The following SGSM3 variants were observed in gnomAD, a reference collection of about 807,000 sequenced individuals.
The protein encoded by SGSM3 is small G protein signaling modulator 3, also known as RUN and SH3 containing 3.
SGSM3 carries 96 observed loss-of-function variants against 100.5 expected under a neutral mutation model. The observed-to-expected ratio is 0.96, with a 90% CI of 0.81 to 1.13. The LOEUF (loss-of-function observed/expected upper bound fraction) is 1.13, where lower values mean the gene tolerates loss of function less well. Ranked by LOEUF, SGSM3 falls within the 50% of genes most tolerant of loss-of-function variation. SGSM3 has a pLI of 0.00. For synonymous variants in SGSM3, 483 were observed against 422.8 expected, an observed-to-expected ratio of 1.14 and a Z score of -1.75; for missense variants, 1,001 against 1,015.8, an observed-to-expected ratio of 0.99 and a Z score of 0.20.
chr22:40,394,441 T>C (rs941797864), intron 1 of SGSM3, among the ~76,000 whole-genome samples: 5 of 151,692 alleles, frequency 3.3e-5, no homozygotes, highest in Admixed American at 2.0e-4. Flanking sequence ...AGGTCAGGAG[T>C]TCGAGACCAG....
intron 1 of SGSM3, among the ~76,000 whole-genome samples, chr22:40,375,904 G>A (rs777512935): frequency 6.6e-6 from 1 of 151,824 alleles, no homozygotes; most frequent in Non-Finnish European, 1.5e-5. Context: ...AACCAGATAT[G>A]GTGGCGTGTG....
chr22:40,407,494 C>T lies in SGSM3; in HGVS notation c.1450C>T (p.Arg484Ter), dbSNP rs765994345. ...GGCGTGCTCACGCAGCCACCGGCGC[C>T]GAGCCAAGGCCCTGCTGGACTTTGA... Reference protein sequence around the residue: ...YVACSRSHRRRAKALLDFERH... With the variant: ...YVACSRSHRR Residue 484 changes from arginine to a stop codon, truncating the protein, a stop_gained, in exon 13 of 22, where the codon CGA (arginine) becomes TGA (stop). Coordinates refer to ENST00000248929, the MANE Select transcript of SGSM3 (RefSeq NM_015705.6). LOFTEE classifies it high-confidence loss of function. This position sits in a 1 kb window ranked among gnomAD's most constrained non-coding sequence, Gnocchi z 4.7. 9 of 1,610,996 alleles carry T rather than the reference C, an allele frequency of 5.6e-6. No individual in the cohort carries two copies. Among genetic ancestry groups the T allele is most frequent in the East Asian group, 2.2e-5 (1 of 44,874 alleles).
At position 40,406,639 on chromosome 22, in the gene SGSM3, G is replaced by A. The variant is rs752442418; in HGVS notation, c.1162G>A (p.Gly388Ser). 3.6e-5 allele frequency: 58 copies of A among 1,606,782 alleles called. No individual in the cohort carries two copies. Among genetic ancestry groups the A allele is most frequent in the Admixed American group, 5.0e-5 (3 of 59,762 alleles). ...IADQGQLLGA[G>S]TLTNLSQVVR... ...AGACCAGGGCCAGCTCCTGGGGGCC[G>A]GCACCCTCACCAACCTCTCTCAGGT... Residue 388 changes from glycine to serine, a missense_variant, in exon 10 of 22, where the codon GGC becomes AGC. Physicochemically the swap from Gly to Ser is moderately conservative, Grantham distance 56. Coordinates refer to ENST00000248929, the MANE Select transcript of SGSM3 (RefSeq NM_015705.6).
chr22:40,404,894 G>A lies in SGSM3; in HGVS notation c.474+230G>A, dbSNP rs570010640. Reference sequence around the variant, plus strand: ...GCCCGGGTCCACTTCAGGAACAGATGGGGACTCTAAATATAGACTCCAGGC... The same window carrying A: ...GCCCGGGTCCACTTCAGGAACAGATAGGGACTCTAAATATAGACTCCAGGC... On this transcript the variant is annotated intron_variant, in intron 6 of 21. Transcript: ENST00000248929. 2.0e-5 allele frequency among the ~76,000 whole-genome samples: 3 copies of A among 152,328 alleles called. No individual in the cohort carries two copies. The East Asian group carries it at 5.8e-4, about 29-fold the overall frequency.
At position 40,405,823 on chromosome 22, in the gene SGSM3, C is replaced by A; in HGVS notation, c.793C>A (p.Leu265Met). Residue 265 changes from leucine to methionine, a missense_variant, in exon 8 of 22, where the codon CTG (leucine) becomes ATG (methionine). Leu to Met is a conservative substitution (Grantham distance 15, BLOSUM62 2). Coordinates refer to ENST00000248929, the MANE Select transcript of SGSM3 (RefSeq NM_015705.6). Reference protein sequence around the residue: ...IVQYLPRLDKLLQEHDIELSL... With the variant: ...IVQYLPRLDKMLQEHDIELSL... Reference sequence around the variant, plus strand: ...CCAGTACCTGCCTCGCCTGGACAAGCTGCTCCAGGAGCATGACATTGGTAA... The same window carrying A: ...CCAGTACCTGCCTCGCCTGGACAAGATGCTCCAGGAGCATGACATTGGTAA... 6.2e-7 allele frequency: 1 copy of A among 1,612,328 alleles called. No homozygotes were observed. Among genetic ancestry groups the A allele is most frequent in the South Asian group, 1.1e-5 (1 of 91,004 alleles).
Position 40,406,133 on chromosome 22 carries a change from C to T in SGSM3, c.870C>T (p.Asp290=). The T allele has an allele frequency of 6.2e-7, 1 of 1,614,146 alleles. No individual in the cohort carries two copies. Among genetic ancestry groups the T allele is most frequent in the Non-Finnish European group, 8.5e-7 (1 of 1,180,042 alleles). ...TCACGGCCTTCGCCAGCGTGGTGGACATCAAGCTGCTCCTGCGCATCTGGG... is the reference window on the plus strand; with the variant it reads ...TCACGGCCTTCGCCAGCGTGGTGGATATCAAGCTGCTCCTGCGCATCTGGG... ...WFLTAFASVV[D]IKLLLRIWDL... is the part of the protein sequence containing the mutation. The change falls in exon 9 of 22, where the codon GAC becomes GAT. Residue 290 remains aspartate, a synonymous_variant. Coordinates refer to ENST00000248929, the MANE Select transcript of SGSM3 (RefSeq NM_015705.6).
At position 40,409,895 on chromosome 22, in the gene SGSM3, G is replaced by C. The variant is rs552980980; in HGVS notation, c.*136G>C. 10 of 1,426,016 alleles carry C rather than the reference G, an allele frequency of 7.0e-6. 1 individual carries two copies. Among genetic ancestry groups the C allele is most frequent in the South Asian group, 3.1e-5 (2 of 64,334 alleles). 88.3% of individuals were successfully genotyped at this position (1,426,016 alleles called of 1,614,324 possible). On this transcript the variant is annotated 3_prime_UTR_variant, in exon 22 of 22. Coordinates refer to ENST00000248929, the MANE Select transcript of SGSM3 (RefSeq NM_015705.6). ...TCAATATCAGGCTGCCCCACTCCAC[G>C]TTCCCCAGCACATCCCAGGTGGTGG...
intron 1 of SGSM3, among the ~76,000 whole-genome samples, chr22:40,379,834 G>T (rs1375481861): frequency 6.6e-6 from 1 of 152,024 alleles, no homozygotes; most frequent in Non-Finnish European, 1.5e-5. Context: ...TCAGCTTCCT[G>T]AGTAATCTGG....
Position 40,410,036 on chromosome 22 carries a change from G to C in SGSM3, c.*277G>C. The C allele has an allele frequency of 7.6e-7, 1 of 1,314,612 alleles. No homozygotes were observed. The highest frequency in any genetic ancestry group is 9.7e-7 in the Non-Finnish European group (1 of 1,036,248). The allele number at this position is 1,314,612 out of a possible 1,614,324, so 81.4% of individuals were successfully genotyped here. On this transcript the variant is annotated 3_prime_UTR_variant, in exon 22 of 22. Coordinates refer to ENST00000248929, the MANE Select transcript of SGSM3 (RefSeq NM_015705.6). ...AGCCATGTCTGTGCTCAGGAAGAGGGAAGGGGATGGGGGTGGCTAGTAGGC... is the reference window on the plus strand; with the variant it reads ...AGCCATGTCTGTGCTCAGGAAGAGGCAAGGGGATGGGGGTGGCTAGTAGGC...
At position 40,407,896 on chromosome 22, in the gene SGSM3, A is replaced by G. The variant is rs779461244; in HGVS notation, c.1579+53A>G. ...GGGAGAGGGAGGAGGGGGTGGGCAC[A>G]GAAGACTTGGGTGACCCTGGCCGCC... is the stretch of plus-strand genomic sequence containing the variant. On this transcript the variant is annotated intron_variant, in intron 14 of 21. Coordinates refer to ENST00000248929, the MANE Select transcript of SGSM3 (RefSeq NM_015705.6). The surrounding 1 kb of genome is among the most constrained non-coding windows in gnomAD (Gnocchi z 4.7). The G allele has an allele frequency of 6.5e-7, 1 of 1,549,276 alleles. No individual in the cohort carries two copies. Among genetic ancestry groups the G allele is most frequent in the African/African-American group, 1.4e-5 (1 of 73,612 alleles).
intron 1 of SGSM3, among the ~76,000 whole-genome samples, chr22:40,381,945 G>C (rs1328399252): frequency 6.6e-6 from 1 of 152,192 alleles, no homozygotes; most frequent in Non-Finnish European, 1.5e-5. Flanking sequence ...GGCAGACAAA[G>C]TCAGACGCTG....
Position 40,393,756 on chromosome 22 carries a change from T to C in SGSM3, c.-111-6940T>C, listed in dbSNP as rs546680802. On this transcript the variant is annotated intron_variant, in intron 1 of 21. Coordinates refer to ENST00000248929, the MANE Select transcript of SGSM3 (RefSeq NM_015705.6). The stretch of plus-strand genomic sequence containing the variant: ...GTTTGTTGAGGGCCTTCTTGCTGCA[T>C]CCTAATATGGCAGAAGGGCAAGAGA... Among the ~76,000 whole-genome samples the C allele has an allele frequency of 2.4e-4, 36 of 152,314 alleles. No individual in the cohort carries two copies. In the South Asian group the frequency reaches 7.0e-3, roughly 30 times the overall value.
chr22:40,393,231 C>T (rs2049593901), intron 1 of SGSM3, among the ~76,000 whole-genome samples: 1 of 152,244 alleles, frequency 6.6e-6, no homozygotes, highest in East Asian at 1.9e-4. Context: ...ATTCTCCCGC[C>T]TCGGCCTCCC....
chr22:40,409,704 G>A lies in SGSM3; in HGVS notation c.2195G>A (p.Gly732Asp). 6.2e-7 allele frequency: 1 copy of A among 1,613,110 alleles called. No homozygotes were observed. The highest frequency in any genetic ancestry group is 1.1e-5 in the South Asian group (1 of 91,064). ...KREAQQPLKE[G>D]VRDMLVKHHL... Reference sequence around the variant, plus strand: ...CAGGCGCAGCAGCCCCTGAAGGAGGGCGTCCGGGACATGCTGGTGAAGCAC... The same window carrying A: ...CAGGCGCAGCAGCCCCTGAAGGAGGACGTCCGGGACATGCTGGTGAAGCAC... Residue 732 changes from glycine (G) to aspartate (D), a missense_variant, in exon 22 of 22, where the codon GGC (glycine) becomes GAC (aspartate). Coordinates refer to ENST00000248929, the MANE Select transcript of SGSM3 (RefSeq NM_015705.6).
intron 1 of SGSM3, among the ~76,000 whole-genome samples, chr22:40,386,509 G>T (rs1447096616): frequency 6.7e-6 from 1 of 148,242 alleles, no homozygotes; most frequent in African/African-American, 2.5e-5. Context: ...GAGACTTCTG[G>T]TCTGGCTATG....
chr22:40,401,215 G>C (rs2050711238), intron 2 of SGSM3, among the ~76,000 whole-genome samples: 1 of 151,990 alleles, frequency 6.6e-6, no homozygotes, highest in South Asian at 2.1e-4. Flanking sequence ...AGAGGGAGAG[G>C]GTATTTCCTG....
intron 6 of SGSM3, 191 bp from the exon 7 acceptor site, chr22:40,404,950 A>G (rs2051259201): frequency 3.2e-6 from 1 of 313,414 alleles, no homozygotes; most frequent in South Asian, 1.3e-4. Flanking sequence ...GTGGTCTGGC[A>G]TGAAGTTTCC....
At chr22:40,378,710 G>A (rs1274855124) in intron 1 of SGSM3, among the ~76,000 whole-genome samples, 1 of 152,032 alleles carries the variant, frequency 6.6e-6, no homozygotes, top group Non-Finnish European at 1.5e-5. Flanking sequence ...GGGTGACAGA[G>A]CGAGACTCTG....
At chr22:40,395,370 G>A (rs1249056537) in intron 1 of SGSM3, among the ~76,000 whole-genome samples, 1 of 150,908 alleles carries the variant, frequency 6.6e-6, no homozygotes, top group Non-Finnish European at 1.5e-5. Flanking sequence ...CGCCCAGGCT[G>A]GAGTGCAGTG....
Sources: gnomAD v4.1 joint callset for allele counts (sites outside exome capture counted in the v4.1 genomes callset) on GRCh38, gnomAD v4.1.1 for gene constraint, Gnocchi (gnomAD v3.1) non-coding constraint, MANE v1.5 for transcripts, NCBI Gene and HGNC (gene_info 2026-07-23, HGNC 2026-07-21) for gene names.